Variants in FPR3 observed in about 807,000 individuals in gnomAD.
The protein encoded by FPR3 is formyl peptide receptor 3.
For synonymous variants in FPR3, 135 were observed against 163.6 expected (o/e 0.83, Z 1.34); for missense variants, 346 against 443.2 (o/e 0.78, Z 1.97).
intron 1 of FPR3, among the ~76,000 whole-genome samples, chr19:51,812,261 TA>T (rs1555740447): frequency 6.6e-6 from 1 of 152,194 alleles, no homozygotes; most frequent in Non-Finnish European, 1.5e-5. Flanking sequence ...TGGCCTTCAA[TA>T]ATTAAAATTT....
At chr19:51,819,014 T>G (rs1252317687) in intron 1 of FPR3, among the ~76,000 whole-genome samples, 1 of 152,204 alleles carries the variant, frequency 6.6e-6, no homozygotes, top group Non-Finnish European at 1.5e-5. Context: ...GTAGTGGAGA[T>G]GGAGATGGCT....
intron 1 of FPR3, among the ~76,000 whole-genome samples, chr19:51,822,733 C>T (rs180730218): frequency 6.6e-5 from 10 of 152,306 alleles, no homozygotes; most frequent in African/African-American, 2.2e-4. Context: ...TTCTGTTTAT[C>T]CCACAGACCT....
At chr19:51,811,572 G>A (rs1469746174) in intron 1 of FPR3, 1 of 152,168 alleles carries the variant, frequency 6.6e-6, no homozygotes, top group Non-Finnish European at 1.5e-5. Context: ...CATCCTCATA[G>A]TCCCGTGTTC....
In FPR3 at chr19:51,824,208, A is replaced by T; in HGVS notation, c.460A>T (p.Ile154Leu). 1 of 1,614,184 alleles carries T rather than the reference A, an allele frequency of 6.2e-7. No homozygotes were observed. The change falls in exon 2 of 2, where the codon ATA becomes TTA. Residue 154 changes from isoleucine to leucine, a missense_variant. Physicochemically the swap from Ile to Leu is conservative, Grantham distance 5 (BLOSUM62 2). Transcript: ENST00000339223. The surrounding 1 kb of genome is among the most constrained non-coding windows in gnomAD (Gnocchi z 4.7). Reference sequence around the variant, plus strand: ...GATGACGGGACTCTGGATTTTCACCATAGTCCTTACCTTACCAAATTTCAT... The same window carrying T: ...GATGACGGGACTCTGGATTTTCACCTTAGTCCTTACCTTACCAAATTTCAT... ...RVMTGLWIFTIVLTLPNFIFW... is the reference protein window; with the variant it reads ...RVMTGLWIFTLVLTLPNFIFW...
At chr19:51,823,138 C>T (rs1599841818) in intron 1 of FPR3, among the ~76,000 whole-genome samples, 1 of 152,182 alleles carries the variant, frequency 6.6e-6, no homozygotes, top group Non-Finnish European at 1.5e-5. Flanking sequence ...GCTGGGGTTA[C>T]AGGCATGAGT....
At chr19:51,799,266 G>A (rs1001170675) in intron 1 of FPR3, among the ~76,000 whole-genome samples, 5 of 152,010 alleles carry the variant, frequency 3.3e-5, no homozygotes, top group African/African-American at 7.2e-5. Flanking sequence ...AAAACCTCTC[G>A]AACTTTAACA....
intron 1 of FPR3, among the ~76,000 whole-genome samples, chr19:51,807,115 A>C (rs1371506095): frequency 6.6e-6 from 1 of 152,182 alleles, no homozygotes; most frequent in African/African-American, 2.4e-5. Flanking sequence ...AAAAGAGTAT[A>C]TTTGGAAGAA....
chr19:51,800,613 G>A (rs186019919), intron 1 of FPR3, among the ~76,000 whole-genome samples: 2 of 152,318 alleles, frequency 1.3e-5, no homozygotes, highest in Admixed American at 6.5e-5. Flanking sequence ...AAGGATGTTC[G>A]TGTGCCTTGT....
At chr19:51,820,740 A>C (rs1368250665) in intron 1 of FPR3, among the ~76,000 whole-genome samples, 1 of 152,186 alleles carries the variant, frequency 6.6e-6, no homozygotes, top group Non-Finnish European at 1.5e-5. Flanking sequence ...ATTGAGCTCC[A>C]ACTCTGGTTC....
At chr19:51,813,769 C>T (rs2084114918) in intron 1 of FPR3, among the ~76,000 whole-genome samples, 1 of 152,164 alleles carries the variant, frequency 6.6e-6, no homozygotes, top group African/African-American at 2.4e-5. Flanking sequence ...CTCCTGACCT[C>T]GTGATCCACC....
chr19:51,809,900 T>C (rs1393056677), intron 1 of FPR3, among the ~76,000 whole-genome samples: 2 of 152,094 alleles, frequency 1.3e-5, no homozygotes, highest in Admixed American at 6.5e-5. Flanking sequence ...CCCTCATTGT[T>C]TGTGGGGCCT....
chr19:51,824,005 C>T lies in FPR3; in HGVS notation c.257C>T (p.Ala86Val). 3 of 1,614,072 alleles carry T rather than the reference C, an allele frequency of 1.9e-6. No individual in the cohort carries two copies. The highest frequency in any genetic ancestry group is 2.5e-6 in the Non-Finnish European group (3 of 1,179,988). ...AILPFRMVSV[A>V]MREKWPFGSF... Reference sequence around the variant, plus strand: ...CTACCATTCCGAATGGTCTCAGTCGCCATGAGAGAAAAATGGCCTTTTGGC... The same window carrying T: ...CTACCATTCCGAATGGTCTCAGTCGTCATGAGAGAAAAATGGCCTTTTGGC... The change falls in exon 2 of 2, where the codon GCC (alanine) becomes GTC (valine). Residue 86 changes from alanine (A) to valine (V), a missense_variant. Coordinates refer to ENST00000339223, the MANE Select transcript of FPR3 (RefSeq NM_002030.5). The surrounding 1 kb of genome is among the most constrained non-coding windows in gnomAD (Gnocchi z 4.7).
intron 1 of FPR3, chr19:51,805,003 T>C (rs2084048786): frequency 6.6e-6 from 1 of 152,220 alleles, no homozygotes; most frequent in African/African-American, 2.4e-5. Context: ...TTCAAAGAGC[T>C]TGGCGTCAGG....
intron 1 of FPR3, among the ~76,000 whole-genome samples, chr19:51,817,527 T>TA (rs77692077): frequency 0.098 from 14,860 of 151,648 alleles, 962 homozygotes; most frequent in East Asian, 0.2. Context: ...TTTTTTTTTT[T>TA]AAATTATTGT....
rs557662574 is a variant in FPR3 at position 51,825,687 on chromosome 19, C to T, written c.*877C>T. On this transcript the variant is annotated 3_prime_UTR_variant, in exon 2 of 2. Coordinates refer to ENST00000339223, the MANE Select transcript of FPR3 (RefSeq NM_002030.5). Reference sequence around the variant, plus strand: ...TCATTTAACCTTGGTCACATTGAGTCATTCCAGGATGAGTGGCTCAAGTAT... The same window carrying T: ...TCATTTAACCTTGGTCACATTGAGTTATTCCAGGATGAGTGGCTCAAGTAT... The T allele has an allele frequency of 1.8e-5, 3 of 167,208 alleles. No homozygotes were observed. The Admixed American group carries it at 2.0e-4, about 11-fold the overall frequency. 10.4% of individuals were successfully genotyped at this position (167,208 alleles called of 1,614,324 possible). A position where few individuals can be genotyped will look rare whatever the true frequency, so the allele number is the denominator to read the frequency against.
chr19:51,798,168 C>T (rs2084010696), intron 1 of FPR3, among the ~76,000 whole-genome samples: 2 of 152,058 alleles, frequency 1.3e-5, no homozygotes, highest in South Asian at 2.1e-4. Context: ...ATCTAACTGA[C>T]TCCAAAGCCT....
rs190561639 is a variant in FPR3 at position 51,797,140 on chromosome 19, A to T, written c.-11+1809A>T. On this transcript the variant is annotated intron_variant, in intron 1 of 1. Transcript: ENST00000339223. ...ATCCAATGGGTCCTGTGTCATTGGG[A>T]TATCAGGTCTTAAAAACTGAGAAGG... Among the ~76,000 whole-genome samples the T allele has an allele frequency of 6.1e-4, 93 of 152,286 alleles. 2 individuals are homozygous for T. In the East Asian group the frequency reaches 0.011, roughly 18 times the overall value.
intron 1 of FPR3, among the ~76,000 whole-genome samples, chr19:51,815,141 C>T (rs887522464): frequency 6.6e-6 from 1 of 152,056 alleles, no homozygotes; most frequent in African/African-American, 2.4e-5. Flanking sequence ...TTATTTAGGG[C>T]GAGGTCCCTT....
intron 1 of FPR3, among the ~76,000 whole-genome samples, chr19:51,812,345 T>C (rs1421306719): frequency 6.6e-6 from 1 of 152,240 alleles, no homozygotes; most frequent in African/African-American, 2.4e-5. Context: ...AAAGTGCTTC[T>C]TGTTCCCATA....
Sources: gnomAD v4.1 joint callset for allele counts (sites outside exome capture counted in the v4.1 genomes callset) on GRCh38, gnomAD v4.1.1 for gene constraint, Gnocchi (gnomAD v3.1) non-coding constraint, MANE v1.5 for transcripts, NCBI Gene and HGNC (gene_info 2026-07-23, HGNC 2026-07-21) for gene names.